The following JAZF1 variants were observed in gnomAD, a reference collection of about 807,000 sequenced individuals.
JAZF1 encodes the protein juxtaposed with another zinc finger protein 1.
Under a neutral mutation model 26.4 loss-of-function variants are expected in JAZF1, and 8 were observed. That is an observed-to-expected ratio of 0.30 (90% CI 0.18 to 0.55). The LOEUF (loss-of-function observed/expected upper bound fraction) is 0.55. JAZF1 is among the 20% of genes least tolerant of loss of function. JAZF1 has a pLI of 0.94. For missense variants in JAZF1, 199 were observed against 322.0 expected, an observed-to-expected ratio of 0.62 and a Z score of 2.92; for synonymous variants, 126 against 122.3, an observed-to-expected ratio of 1.03 and a Z score of -0.20.
chr7:28,107,910 A>C (rs937217370), intron 1 of JAZF1, among the ~76,000 whole-genome samples: 3 of 152,312 alleles, frequency 2.0e-5, no homozygotes, highest in Middle Eastern at 3.4e-3. Flanking sequence ...CCAGAGACAT[A>C]AGCGTAAAGG....
intron 1 of JAZF1, among the ~76,000 whole-genome samples, chr7:28,094,008 G>T (rs1048228292): frequency 4.6e-5 from 7 of 152,170 alleles, no homozygotes; most frequent in Admixed American, 2.0e-4. Flanking sequence ...TTAGATTCTT[G>T]TGTGGCCAAA....
chr7:28,147,590 G>A (rs938214050), intron 1 of JAZF1, among the ~76,000 whole-genome samples: 1 of 151,622 alleles, frequency 6.6e-6, no homozygotes, highest in Admixed American at 6.6e-5. Flanking sequence ...GGCCATGCCT[G>A]TAATCCCAGC....
rs560915539 is a variant in JAZF1 at position 27,891,851 on chromosome 7, G to C, written c.385+3369C>G. 2.6e-5 allele frequency among the ~76,000 whole-genome samples: 4 copies of C among 151,918 alleles called. No homozygotes were observed. The East Asian group carries it at 5.8e-4, about 22-fold the overall frequency. ...GTAAGACCCTGTTTCAAACAGAAAA[G>C]AAAAAAAATTGCAAAACAAACATTG... is the stretch of plus-strand genomic sequence containing the variant. On this transcript the variant is annotated intron_variant, in intron 3 of 4. Transcript: ENST00000283928.
At chr7:27,854,021 C>T (rs555368800) in intron 3 of JAZF1, among the ~76,000 whole-genome samples, 3 of 151,928 alleles carry the variant, frequency 2.0e-5, no homozygotes, top group African/African-American at 7.2e-5. Flanking sequence ...CTTTGTAGGT[C>T]TCTAAGAATT....
At chr7:28,166,834 A>C (rs1159615834) in intron 1 of JAZF1, among the ~76,000 whole-genome samples, 1 of 152,236 alleles carries the variant, frequency 6.6e-6, no homozygotes, top group African/African-American at 2.4e-5. Flanking sequence ...TATGACTTAC[A>C]CAAACACAAA....
intron 2 of JAZF1, among the ~76,000 whole-genome samples, chr7:27,949,046 C>T (rs187772077): frequency 7.4e-4 from 112 of 152,270 alleles, no homozygotes; most frequent in Middle Eastern, 3.4e-3. Flanking sequence ...TCAGCCACAC[C>T]CTCATCCCAC....
At position 27,983,962 on chromosome 7, in the gene JAZF1, GAA is replaced by G. The variant is rs1220320966; in HGVS notation, c.188+7945_188+7946del. On this transcript the variant is annotated intron_variant, in intron 2 of 4. Coordinates refer to ENST00000283928, the MANE Select transcript of JAZF1 (RefSeq NM_175061.4). ...GCTCCTGAAGGAAGCACTAAACATG[GAA>G]AGGAACAACCAGTACCAGCCACTGC... 2.1e-4 allele frequency among the ~76,000 whole-genome samples: 32 copies of G among 152,284 alleles called. 1 individual carries two copies. The highest frequency in any genetic ancestry group is 7.7e-4 in the African/African-American group (32 of 41,550).
At chr7:28,102,264 T>A (rs981544417) in intron 1 of JAZF1, among the ~76,000 whole-genome samples, 2 of 152,192 alleles carry the variant, frequency 1.3e-5, no homozygotes, top group African/African-American at 2.4e-5. Flanking sequence ...TGTCTTTATC[T>A]CTTAGGGCAT....
At chr7:28,057,650 G>A (rs879848354) in intron 1 of JAZF1, among the ~76,000 whole-genome samples, 2 of 152,106 alleles carry the variant, frequency 1.3e-5, no homozygotes, top group African/African-American at 4.8e-5. Context: ...TATTTTTAAT[G>A]GTTATAAGCT....
At chr7:28,002,630 G>C (rs1188424785) in intron 1 of JAZF1, among the ~76,000 whole-genome samples, 1 of 152,120 alleles carries the variant, frequency 6.6e-6, no homozygotes, top group Admixed American at 6.5e-5. Flanking sequence ...ACTAAAACTT[G>C]CATTGTTCTG....
intron 1 of JAZF1, among the ~76,000 whole-genome samples, chr7:28,102,668 G>C (rs1290339404): frequency 6.6e-6 from 1 of 152,094 alleles, no homozygotes; most frequent in Non-Finnish European, 1.5e-5. Context: ...AAACATGGTA[G>C]GTTCTGAGTG....
chr7:28,032,892 C>T (rs955867167), intron 1 of JAZF1, among the ~76,000 whole-genome samples: 10 of 152,106 alleles, frequency 6.6e-5, no homozygotes, highest in Non-Finnish European at 1.3e-4. Flanking sequence ...TCCCCTTATA[C>T]CTCTTGGTCC....
intron 2 of JAZF1, among the ~76,000 whole-genome samples, chr7:27,944,767 CAT>C (rs1350898861): frequency 2.0e-5 from 3 of 152,156 alleles, no homozygotes; most frequent in Admixed American, 6.5e-5. Flanking sequence ...CCTAAAAACA[CAT>C]GTCAGCAGTT....
At chr7:27,941,901 AG>A (rs1169159211) in intron 2 of JAZF1, among the ~76,000 whole-genome samples, 1 of 152,128 alleles carries the variant, frequency 6.6e-6, no homozygotes, top group African/African-American at 2.4e-5. Context: ...GGTAAGGGGG[AG>A]GGGACAGGCA....
chr7:27,945,458 T>TC (rs1207435407), intron 2 of JAZF1, among the ~76,000 whole-genome samples: 2 of 152,136 alleles, frequency 1.3e-5, no homozygotes, highest in African/African-American at 2.4e-5. Context: ...GCCTTGTGTG[T>TC]CCCTAAAATC....
intron 1 of JAZF1, among the ~76,000 whole-genome samples, chr7:28,087,810 C>T (rs1415748967): frequency 1.3e-5 from 2 of 152,122 alleles, no homozygotes. Flanking sequence ...CTAGATTTAT[C>T]TTTGTTTCCT....
chr7:28,168,790 A>C (rs1783409035), intron 1 of JAZF1, among the ~76,000 whole-genome samples: 1 of 152,182 alleles, frequency 6.6e-6, no homozygotes, highest in Admixed American at 6.5e-5. Flanking sequence ...ATGGACACAC[A>C]CCTTTAAAAG....
At chr7:28,024,629 T>A (rs527737582) in intron 1 of JAZF1, among the ~76,000 whole-genome samples, 86 of 152,302 alleles carry the variant, frequency 5.6e-4, no homozygotes, top group African/African-American at 1.9e-3. Context: ...AGGGACATGA[T>A]GAATTTTGCA....
At chr7:27,838,937 A>C (rs1458362636) in intron 4 of JAZF1, among the ~76,000 whole-genome samples, 1 of 152,192 alleles carries the variant, frequency 6.6e-6, no homozygotes, top group Non-Finnish European at 1.5e-5. Context: ...AGGCTCACTG[A>C]ATTCTCAGTG....
Sources: allele counts gnomAD v4.1 joint callset (sites outside exome capture counted in the v4.1 genomes callset), GRCh38; gene constraint gnomAD v4.1.1; transcripts MANE v1.5; gene names NCBI Gene and HGNC (gene_info 2026-07-23, HGNC 2026-07-21).